The following TGIF2 variants were observed in gnomAD, a reference collection of about 807,000 sequenced individuals.
The protein encoded by TGIF2 is homeobox protein TGIF2.
Under a neutral mutation model 15.1 loss-of-function variants are expected in TGIF2, and 5 were observed. That is an observed-to-expected ratio of 0.33 (90% CI 0.17 to 0.70). The LOEUF (loss-of-function observed/expected upper bound fraction) is 0.70, where lower values mean the gene tolerates loss of function less well. TGIF2 is among the 30% of genes least tolerant of loss of function. The pLI is 0.67. For synonymous variants in TGIF2, 131 were observed against 128.9 expected (o/e 1.02, Z -0.11); for missense variants, 264 against 302.5 (o/e 0.87, Z 0.94).
intron 2 of TGIF2, among the ~76,000 whole-genome samples, chr20:36,582,407 T>C (rs764406930): frequency 5.3e-5 from 8 of 152,186 alleles, no homozygotes; most frequent in Non-Finnish European, 1.0e-4. Flanking sequence ...AAAATCAAAC[T>C]GTTTCCAAAG....
At chr20:36,576,150 AC>A (rs1352831941) in intron 1 of TGIF2, among the ~76,000 whole-genome samples, 1 of 152,206 alleles carries the variant, frequency 6.6e-6, no homozygotes, top group East Asian at 1.9e-4. Context: ...GTGAAACAGA[AC>A]TTTGTCCAGG....
intron 1 of TGIF2, among the ~76,000 whole-genome samples, chr20:36,575,837 A>C (rs1183857799): frequency 1.3e-5 from 2 of 152,160 alleles, no homozygotes; most frequent in Non-Finnish European, 2.9e-5. Context: ...TCACACCTGT[A>C]ATCCCAGATC....
intron 1 of TGIF2, among the ~76,000 whole-genome samples, chr20:36,577,372 T>G (rs1237188751): frequency 1.3e-5 from 2 of 150,958 alleles, no homozygotes; most frequent in East Asian, 2.0e-4. Flanking sequence ...GCTAATTTTT[T>G]TTTTTTTTTG....
intron 2 of TGIF2, 44 bp from the exon 3 acceptor site, chr20:36,590,866 G>A (rs1447801308): frequency 1.3e-6 from 2 of 1,501,548 alleles, no homozygotes; most frequent in Non-Finnish European, 1.8e-6. Context: ...GCCCATAGCT[G>A]TTTTAGATTA....
intron 2 of TGIF2, among the ~76,000 whole-genome samples, chr20:36,584,311 CA>C (rs1490113488): frequency 2.0e-5 from 3 of 152,146 alleles, no homozygotes; most frequent in African/African-American, 7.2e-5. Flanking sequence ...TAGACTGCAC[CA>C]AATTCTAGAG....
Position 36,586,156 on chromosome 20 carries a change from ACTT to A in TGIF2, c.193-4751_193-4749del, listed in dbSNP as rs1195468797. 4.6e-5 allele frequency among the ~76,000 whole-genome samples: 7 copies of A among 152,170 alleles called. No homozygotes were observed. The South Asian group carries it at 1.0e-3, about 22-fold the overall frequency. On this transcript the variant is annotated intron_variant, in intron 2 of 2. Transcript: ENST00000373872. ...TGCCCTCTGATTCCTCCCACAGGCAACTTCTATTTTTCCCCATCTCAAGGCCTT... is the reference window on the plus strand; with the variant it reads ...TGCCCTCTGATTCCTCCCACAGGCAACTATTTTTCCCCATCTCAAGGCCTT...
At chr20:36,575,737 AG>A (rs1168793976) in intron 1 of TGIF2, among the ~76,000 whole-genome samples, 2 of 152,134 alleles carry the variant, frequency 1.3e-5, no homozygotes, top group African/African-American at 4.8e-5. Context: ...AGCTGTTAAA[AG>A]GCTGAGAAGG....
intron 2 of TGIF2, among the ~76,000 whole-genome samples, chr20:36,587,588 C>T (rs543912591): frequency 5.7e-4 from 87 of 152,272 alleles, no homozygotes; most frequent in African/African-American, 2.1e-3. Flanking sequence ...GGAAGACTCC[C>T]TCTCACTCTT....
chr20:36,591,195 C>T lies in TGIF2; in HGVS notation c.478C>T (p.Pro160Ser), dbSNP rs779230013. 1.2e-6 allele frequency: 2 copies of T among 1,614,178 alleles called. No individual in the cohort carries two copies. The highest frequency in any genetic ancestry group is 8.5e-7 in the Non-Finnish European group (1 of 1,180,006). The change falls in exon 3 of 3, where the codon CCT becomes TCT. Residue 160 changes from proline (P) to serine (S), a missense_variant. Transcript: ENST00000373872. The surrounding 1 kb of genome is among the most constrained non-coding windows in gnomAD (Gnocchi z 5.3). ...ELESPKPLVT[P>S]GSTLTLLTRA... ...GGAGTCTCCCAAGCCCCTGGTGACC[C>T]CTGGTAGCACACTTACTCTGCTGAC...
chr20:36,590,256 C>T (rs750170265), intron 2 of TGIF2, among the ~76,000 whole-genome samples: 4 of 152,092 alleles, frequency 2.6e-5, no homozygotes, highest in African/African-American at 7.2e-5. Flanking sequence ...CGTGCCCAGC[C>T]GGGGGAGGGT....
chr20:36,593,592 C>T lies in TGIF2; in HGVS notation c.*2161C>T, dbSNP rs923668723. ...CTTCATCCAGGTTAACTGATGCTGC[C>T]ATTTGCCCAGCCTCTTCCATCCCAG... On this transcript the variant is annotated 3_prime_UTR_variant, in exon 3 of 3. Coordinates refer to ENST00000373872, the MANE Select transcript of TGIF2 (RefSeq NM_021809.7). The T allele has an allele frequency of 6.5e-6, 1 of 152,724 alleles. No homozygotes were observed. The highest frequency in any genetic ancestry group is 1.5e-5 in the Non-Finnish European group (1 of 68,130). 9.5% of individuals were successfully genotyped at this position (152,724 alleles called of 1,614,324 possible).
chr20:36,582,740 G>A (rs958182376), intron 2 of TGIF2, among the ~76,000 whole-genome samples: 36 of 152,200 alleles, frequency 2.4e-4, no homozygotes, highest in African/African-American at 7.2e-5. Context: ...GAGTCATGCC[G>A]AGAGTTAAGA....
chr20:36,580,042 C>G (rs937381079), intron 2 of TGIF2, among the ~76,000 whole-genome samples: 1 of 152,158 alleles, frequency 6.6e-6, no homozygotes, highest in African/African-American at 2.4e-5. Flanking sequence ...ACAGTAGGCC[C>G]TTAGCCTAAT....
chr20:36,590,805 C>A, intron 2 of TGIF2, 105 bp from the exon 3 acceptor site: 1 of 1,300,796 alleles, frequency 7.7e-7, no homozygotes, highest in South Asian at 1.9e-5. Context: ...GCAATCCTCC[C>A]GCCTTGGCCA....
intron 2 of TGIF2, 140 bp from the exon 3 acceptor site, chr20:36,590,770 G>C: frequency 2.3e-6 from 2 of 854,308 alleles, no homozygotes; most frequent in Middle Eastern, 3.4e-4. Flanking sequence ...TGTTGCCCAG[G>C]CTGGTCTTGA....
intron 1 of TGIF2, among the ~76,000 whole-genome samples, chr20:36,577,513 T>C (rs2038456195): frequency 6.6e-6 from 1 of 150,906 alleles, no homozygotes; most frequent in Admixed American, 6.7e-5. Context: ...GTCCGGCCTT[T>C]GTTTGTTTTT....
chr20:36,579,021 T>C (rs1397902988), intron 2 of TGIF2, 55 bp downstream of exon 2: 2 of 1,571,150 alleles, frequency 1.3e-6, no homozygotes, highest in Non-Finnish European at 8.6e-7. Flanking sequence ...TCTAGTCCTA[T>C]TCCAGCTGTG....
intron 1 of TGIF2, among the ~76,000 whole-genome samples, chr20:36,575,231 T>G (rs998741926): frequency 6.6e-6 from 1 of 152,020 alleles, no homozygotes. Context: ...CCAGTTATCC[T>G]AGCGCTGTTG....
At chr20:36,577,951 C>T (rs2038465609) in intron 1 of TGIF2, among the ~76,000 whole-genome samples, 1 of 152,190 alleles carries the variant, frequency 6.6e-6, no homozygotes, top group Admixed American at 6.5e-5. Context: ...CTTACAAATG[C>T]ACAGCATGAC....
Sources: gnomAD v4.1 joint callset for allele counts (sites outside exome capture counted in the v4.1 genomes callset) on GRCh38, gnomAD v4.1.1 for gene constraint, Gnocchi (gnomAD v3.1) non-coding constraint, MANE v1.5 for transcripts, NCBI Gene and HGNC (gene_info 2026-07-23, HGNC 2026-07-21) for gene names.